Variants in LARP4B observed in about 807,000 individuals in gnomAD.
LARP4B encodes the protein la-related protein 4B.
In LARP4B, 12 loss-of-function variants were observed where a neutral mutation model predicts 89.8. The observed-to-expected ratio is 0.13, with a 90% CI of 0.09 to 0.22. The LOEUF is 0.22. Ranked by LOEUF, LARP4B falls within the 10% of genes least tolerant of loss-of-function variation. The pLI is 1.00. For missense variants in LARP4B, 757 were observed against 947.7 expected (o/e 0.80, Z 2.64); for synonymous variants, 367 against 363.3 (o/e 1.01, Z -0.12).
At chr10:863,367 C>T (rs1001839830) in intron 5 of LARP4B, among the ~76,000 whole-genome samples, 3 of 152,136 alleles carry the variant, frequency 2.0e-5, no homozygotes, top group Non-Finnish European at 2.9e-5. Context: ...GGACTACAGG[C>T]GCCCGCCACC....
chr10:921,142 G>A (rs1218951466), intron 1 of LARP4B, among the ~76,000 whole-genome samples: 2 of 151,852 alleles, frequency 1.3e-5, no homozygotes, highest in African/African-American at 4.8e-5. Context: ...GCGTGGTGGT[G>A]CATGCCTGTA....
rs530226678 is a variant in LARP4B at position 834,215 on chromosome 10, T to C, written c.750+2188A>G. On this transcript the variant is annotated intron_variant, in intron 8 of 17. Coordinates refer to ENST00000316157, the MANE Select transcript of LARP4B (RefSeq NM_015155.3). ...TTTCCAGGGATTCTAATGCCCTATG[T>C]TGTTGTCCCATCACTGGTAAATGCT... 1.7e-4 allele frequency among the ~76,000 whole-genome samples: 26 copies of C among 152,320 alleles called. No individual in the cohort carries two copies. The South Asian group carries it at 5.0e-3, about 29-fold the overall frequency.
intron 1 of LARP4B, among the ~76,000 whole-genome samples, chr10:907,573 T>C (rs1318614712): frequency 6.6e-6 from 1 of 152,206 alleles, no homozygotes; most frequent in East Asian, 1.9e-4. Context: ...ACTAAAGAAG[T>C]TCCGAAGTGG....
Position 863,761 on chromosome 10 carries a change from G to A in LARP4B, c.412C>T (p.Pro138Ser). ...ALGPSEYDSL[P>S]ENSETGGNES... ...TGTTTACCTGTCTCGCTATTTTCAG[G>A]CAGAGAGTCATATTCTGAGGGACCC... Residue 138 changes from proline (P) to serine (S), a missense_variant, in exon 5 of 18, where the codon CCT (proline) becomes TCT (serine). Physicochemically the swap from Pro to Ser is moderately conservative, Grantham distance 74 (BLOSUM62 -1). Around this residue, in one of 5 missense-constraint regions of LARP4B, gnomAD observed 175 missense variants for 187.0 expected, o/e 0.94. Coordinates refer to ENST00000316157, the MANE Select transcript of LARP4B (RefSeq NM_015155.3). 1 of 1,609,972 alleles carries A rather than the reference G, an allele frequency of 6.2e-7. No homozygotes were observed. The highest frequency in any genetic ancestry group is 8.5e-7 in the Non-Finnish European group (1 of 1,178,552).
At chr10:833,043 T>C (rs571738236) in intron 8 of LARP4B, among the ~76,000 whole-genome samples, 3 of 151,998 alleles carry the variant, frequency 2.0e-5, no homozygotes, top group South Asian at 2.1e-4. Context: ...TGGGAGAGCA[T>C]GGCTGTAAAT....
chr10:858,425 A>G (rs186963060), intron 5 of LARP4B, among the ~76,000 whole-genome samples: 28 of 152,330 alleles, frequency 1.8e-4, no homozygotes, highest in Admixed American at 2.0e-4. Context: ...TAAATGTAAG[A>G]CCCGAAATGA....
Position 822,760 on chromosome 10 carries a change from G to C in LARP4B, c.1485-1915C>G, listed in dbSNP as rs780737602. 3.3e-5 allele frequency among the ~76,000 whole-genome samples: 5 copies of C among 152,198 alleles called. No homozygotes were observed. In the South Asian group the frequency reaches 6.2e-4, roughly 19 times the overall value. On this transcript the variant is annotated intron_variant, in intron 13 of 17. Transcript: ENST00000316157. This position sits in a 1 kb window ranked among gnomAD's most constrained non-coding sequence, Gnocchi z 4.6. ...CAGTGGTGTGAAGGCCTGAGACCCT[G>C]AAGAGGTGTGCTTCCCCCAGCTGAT...
chr10:888,499 G>A (rs1208204189), intron 1 of LARP4B, among the ~76,000 whole-genome samples: 1 of 152,124 alleles, frequency 6.6e-6, no homozygotes, highest in Non-Finnish European at 1.5e-5. Context: ...CTGACTTCAA[G>A]CGAAAGGACG....
chr10:972,764 G>C, the LARP4B span: 3 of 456,828 alleles, frequency 6.6e-6, no homozygotes, highest in South Asian at 4.6e-5. Context: ...GAGAAAAGTA[G>C]TTAGAAAATA....
chr10:888,337 C>CA (rs547831151), intron 1 of LARP4B, among the ~76,000 whole-genome samples: 17,758 of 123,548 alleles, frequency 0.14, 1,139 homozygotes, highest in South Asian at 0.18. Context: ...AACAAACAAA[C>CA]AAAAAAAAAA....
chr10:815,077 C>CTG lies in LARP4B; in HGVS notation c.1696-8_1696-7insCA. The stretch of plus-strand genomic sequence containing the variant: ...TTGCGTCTGCACTGAGGGTCTGAAA[C>CTG]AGGGTCAAGAGTGTTCATCAGAGTC... On this transcript the variant is annotated splice_region_variant and splice_polypyrimidine_tract_variant and intron_variant, in intron 15 of 17. Transcript: ENST00000316157. 1 of 1,563,570 alleles carries CTG rather than the reference C, an allele frequency of 6.4e-7. No individual in the cohort carries two copies. The highest frequency in any genetic ancestry group is 1.9e-5 in the Admixed American group (1 of 53,914).
chr10:982,067 A>C, the LARP4B span, among the ~76,000 whole-genome samples: 1 of 138,412 alleles, frequency 7.2e-6, no homozygotes, highest in African/African-American at 2.7e-5. Context: ...TTTTTTTTTG[A>C]TCTGCTACTT....
the LARP4B span, among the ~76,000 whole-genome samples, chr10:945,675 G>A: frequency 1.3e-4 from 18 of 143,568 alleles, no homozygotes; most frequent in South Asian, 2.3e-4. Flanking sequence ...GCAACAGAGC[G>A]AGACTCCGTC....
chr10:972,601 G>T, the LARP4B span: 2 of 457,156 alleles, frequency 4.4e-6, no homozygotes, highest in Non-Finnish European at 8.8e-6. Flanking sequence ...CCAAGAAAGG[G>T]GTGTTTAGAG....
intron 11 of LARP4B, 131 bp from the exon 12 acceptor site, chr10:826,001 T>C (rs1396101938): frequency 4.7e-6 from 3 of 641,738 alleles, no homozygotes; most frequent in Non-Finnish European, 8.1e-6. Context: ...CTGAGACATG[T>C]ATTTTACAAT....
At chr10:908,083 G>A (rs1331970265) in intron 1 of LARP4B, among the ~76,000 whole-genome samples, 1 of 152,168 alleles carries the variant, frequency 6.6e-6, no homozygotes, top group African/African-American at 2.4e-5. Flanking sequence ...GCGGGCACCT[G>A]TAATCCCAGC....
At chr10:973,162 G>A in the LARP4B span, among the ~76,000 whole-genome samples, 5 of 152,100 alleles carry the variant, frequency 3.3e-5, no homozygotes, top group Admixed American at 3.3e-4. Flanking sequence ...AGTCCCACCT[G>A]CCAAAGCCCT....
the LARP4B span, among the ~76,000 whole-genome samples, chr10:962,693 G>A: frequency 4.6e-5 from 7 of 152,158 alleles, no homozygotes; most frequent in Non-Finnish European, 8.8e-5. Context: ...TATCAAGTAG[G>A]CCTGACCCAA....
At chr10:972,693 A>C in the LARP4B span, 1 of 457,268 alleles carries the variant, frequency 2.2e-6, no homozygotes, top group South Asian at 1.5e-5. Context: ...AGAATCAAAC[A>C]CTGAGAATAT....
Sources: gnomAD v4.1 joint callset for allele counts (sites outside exome capture counted in the v4.1 genomes callset) on GRCh38, gnomAD v4.1.1 for gene constraint, gnomAD v4.1.1 regional missense constraint, Gnocchi (gnomAD v3.1) non-coding constraint, MANE v1.5 for transcripts, NCBI Gene and HGNC (gene_info 2026-07-23, HGNC 2026-07-21) for gene names.